ADAMTS9: variants seen among roughly 807,000 people sequenced by gnomAD.
The protein encoded by ADAMTS9 is ADAM metallopeptidase with thrombospondin type 1 motif 9.
Under a neutral mutation model 257.1 loss-of-function variants are expected in ADAMTS9, and 107 were observed. That is an observed-to-expected ratio of 0.42 (90% CI 0.36 to 0.49). The LOEUF is 0.49. Among genes scored for constraint, ADAMTS9 ranks in the 20% least tolerant of loss-of-function variants. The pLI, the probability that ADAMTS9 is intolerant of heterozygous loss-of-function variation, is 0.03. For synonymous variants in ADAMTS9, 982 were observed against 880.9 expected (o/e 1.11, Z -2.03); for missense variants, 2,353 against 2,469.1 (o/e 0.95, Z 1.00).
At chr3:64,671,614 C>T (rs961500914) in intron 3 of ADAMTS9, among the ~76,000 whole-genome samples, 4 of 152,178 alleles carry the variant, frequency 2.6e-5, no homozygotes, top group African/African-American at 7.2e-5. Context: ...CATTCTAATT[C>T]TAATGTCATA....
chr3:64,594,200 C>G (rs994760938), intron 28 of ADAMTS9, 58 bp downstream of exon 28: 34 of 1,545,570 alleles, frequency 2.2e-5, no homozygotes, highest in Middle Eastern at 2.2e-4. Context: ...GAGGAGTGCC[C>G]CAGAATACCT....
intron 11 of ADAMTS9, among the ~76,000 whole-genome samples, chr3:64,646,960 A>C (rs1423086965): frequency 6.6e-6 from 1 of 152,234 alleles, no homozygotes; most frequent in Non-Finnish European, 1.5e-5. Flanking sequence ...CAGGGAATTA[A>C]GTTCCATCAT....
intron 3 of ADAMTS9, among the ~76,000 whole-genome samples, chr3:64,665,301 A>G (rs1008691747): frequency 1.3e-5 from 2 of 152,196 alleles, no homozygotes; most frequent in Admixed American, 1.3e-4. Context: ...CAAACAGCCA[A>G]TGTTTGAAGA....
At chr3:64,603,886 C>T (rs1274210542) in intron 25 of ADAMTS9, 36 bp downstream of exon 25, 2 of 1,608,978 alleles carry the variant, frequency 1.2e-6, no homozygotes, top group African/African-American at 2.7e-5. Context: ...AATGTTTCCC[C>T]CATTCCCCCT....
chr3:64,646,923 A>ATCTC (rs1700807870), intron 11 of ADAMTS9, among the ~76,000 whole-genome samples: 1 of 152,126 alleles, frequency 6.6e-6, no homozygotes, highest in African/African-American at 2.4e-5. Flanking sequence ...AGAAACTGAG[A>ATCTC]AGTTTCTTGT....
At chr3:64,655,515 GA>G in intron 6 of ADAMTS9, 60 bp downstream of exon 6, 1 of 1,368,074 alleles carries the variant, frequency 7.3e-7, no homozygotes, top group Non-Finnish European at 1.0e-6. Context: ...AGGAATGCAT[GA>G]CCACATCCCA....
chr3:64,649,783 G>C lies in ADAMTS9; in HGVS notation c.1464-5C>G. 6.2e-7 allele frequency: 1 copy of C among 1,611,542 alleles called. No homozygotes were observed. Among genetic ancestry groups the C allele is most frequent in the South Asian group, 1.1e-5 (1 of 90,504 alleles). ...AAACACTCGCCATAACCAGTGCTAC[G>C]GAAACACACAGAAACACACAGATGG... On this transcript the variant is annotated splice_region_variant and splice_polypyrimidine_tract_variant and intron_variant, in intron 9 of 39. Coordinates refer to ENST00000498707, the MANE Select transcript of ADAMTS9 (RefSeq NM_182920.2).
intron 36 of ADAMTS9, among the ~76,000 whole-genome samples, chr3:64,540,067 T>A (rs2083101051): frequency 6.6e-6 from 1 of 152,206 alleles, no homozygotes; most frequent in African/African-American, 2.4e-5. Flanking sequence ...TTCCTACAGT[T>A]CACTACACTT....
chr3:64,648,124 C>A, intron 10 of ADAMTS9, 80 bp from the exon 11 acceptor site: 1 of 1,283,374 alleles, frequency 7.8e-7, no homozygotes, highest in Non-Finnish European at 1.1e-6. Flanking sequence ...TTGCTTTCAA[C>A]TAATGTTTCA....
In ADAMTS9 at chr3:64,686,358, C is replaced by T. The variant is rs375165349; in HGVS notation, c.516+210G>A. On this transcript the variant is annotated intron_variant, in intron 2 of 39. Transcript: ENST00000498707. The surrounding 1 kb of genome is among the most constrained non-coding windows in gnomAD (Gnocchi z 4.6). ...CAGAAAGCTCTGAAACATCCAGAAG[C>T]CCCTGGGGGCGGGTGTGTGCGCTCC... is the stretch of plus-strand genomic sequence containing the variant. 1.4e-4 allele frequency among the ~76,000 whole-genome samples: 22 copies of T among 152,380 alleles called. No homozygotes were observed. Among genetic ancestry groups the T allele is most frequent in the East Asian group, 1.2e-3 (6 of 5,178 alleles).
At chr3:64,598,738 G>T (rs1194603119) in intron 26 of ADAMTS9, among the ~76,000 whole-genome samples, 2 of 152,058 alleles carry the variant, frequency 1.3e-5, no homozygotes, top group African/African-American at 4.8e-5. Context: ...GCCTTTCATG[G>T]TATAAATAGA....
In ADAMTS9 at chr3:64,574,569, A is replaced by AG. The variant is rs2083782904; in HGVS notation, c.4357-6035_4357-6034insC. ...AAGACCCCATCTCTACAAAAAAAAA[A>AG]AAAAAAAAGAAAAATTAGCTGGGCA... On this transcript the variant is annotated intron_variant, in intron 28 of 39. Transcript: ENST00000498707. Among the ~76,000 whole-genome samples the AG allele has an allele frequency of 2.0e-5, 3 of 151,576 alleles. No homozygotes were observed. The South Asian group carries it at 6.3e-4, about 32-fold the overall frequency.
chr3:64,603,477 G>C (rs1423744574), intron 25 of ADAMTS9, among the ~76,000 whole-genome samples: 2 of 152,076 alleles, frequency 1.3e-5, no homozygotes, highest in Non-Finnish European at 2.9e-5. Flanking sequence ...CACTGGATGA[G>C]GATTCCCACT....
intron 32 of ADAMTS9, among the ~76,000 whole-genome samples, chr3:64,545,203 T>A (rs1018857487): frequency 6.6e-6 from 1 of 152,220 alleles, no homozygotes; most frequent in Non-Finnish European, 1.5e-5. Flanking sequence ...AGTGTGGCTA[T>A]TCCTCAAGGA....
intron 36 of ADAMTS9, among the ~76,000 whole-genome samples, chr3:64,540,744 T>G (rs1052489869): frequency 6.6e-6 from 1 of 152,246 alleles, no homozygotes; most frequent in African/African-American, 2.4e-5. Flanking sequence ...TTTTCTGGAA[T>G]GCTGCCCTGA....
At chr3:64,668,254 C>G (rs1167773518) in intron 3 of ADAMTS9, among the ~76,000 whole-genome samples, 3 of 152,082 alleles carry the variant, frequency 2.0e-5, no homozygotes, top group African/African-American at 7.2e-5. Context: ...TTTTTAACGT[C>G]AAAAGGAACA....
chr3:64,681,479 G>A (rs577299531), intron 2 of ADAMTS9, 116 bp from the exon 3 acceptor site: 2 of 1,138,124 alleles, frequency 1.8e-6, no homozygotes, highest in South Asian at 3.6e-5. Flanking sequence ...CTCTTTTTCA[G>A]GAGGGTTGTT....
chr3:64,570,292 AAAAT>A (rs1342902280), intron 28 of ADAMTS9, among the ~76,000 whole-genome samples: 1 of 152,176 alleles, frequency 6.6e-6, no homozygotes, highest in African/African-American at 2.4e-5. Context: ...AGTGATGACA[AAAAT>A]AAATATATGA....
At chr3:64,679,035 C>T (rs568897605) in intron 3 of ADAMTS9, among the ~76,000 whole-genome samples, 1 of 152,114 alleles carries the variant, frequency 6.6e-6, no homozygotes, top group South Asian at 2.1e-4. Context: ...AATTAAAGGC[C>T]CCAACCTTAA....
Sources: allele counts gnomAD v4.1 joint callset (sites outside exome capture counted in the v4.1 genomes callset), GRCh38; gene constraint gnomAD v4.1.1; non-coding constraint Gnocchi (gnomAD v3.1); transcripts MANE v1.5; gene names NCBI Gene and HGNC (gene_info 2026-07-23, HGNC 2026-07-21).